Variants in PRR16 observed in about 807,000 individuals in gnomAD.
PRR16 encodes the protein protein Largen.
PRR16 carries 6 observed loss-of-function variants against 18.2 expected under a neutral mutation model. That is an observed-to-expected ratio of 0.33 (90% CI 0.18 to 0.65). The LOEUF is 0.65. PRR16 is among the 30% of genes least tolerant of loss of function. PRR16 has a pLI of 0.74. For missense variants in PRR16, 412 were observed against 376.6 expected (o/e 1.09, Z -0.78); for synonymous variants, 151 against 147.8 (o/e 1.02, Z -0.16).
At chr5:120,778,296 A>G in the PRR16 span, among the ~76,000 whole-genome samples, 1 of 152,090 alleles carries the variant, frequency 6.6e-6, no homozygotes, top group Non-Finnish European at 1.5e-5. Flanking sequence ...GTAAAACAGA[A>G]CCATTTTAAG....
chr5:120,678,411 C>T (rs1756873737), intron 1 of PRR16, among the ~76,000 whole-genome samples: 1 of 152,146 alleles, frequency 6.6e-6, no homozygotes, highest in Non-Finnish European at 1.5e-5. Context: ...ATGACTTTTT[C>T]CATAGTATCT....
chr5:120,610,119 G>A (rs1365819582), intron 1 of PRR16, among the ~76,000 whole-genome samples: 2 of 152,016 alleles, frequency 1.3e-5, no homozygotes, highest in East Asian at 3.9e-4. Context: ...TTCGGTGGGG[G>A]GAAGTATCCT....
At chr5:120,511,467 C>A (rs527587365) in intron 1 of PRR16, among the ~76,000 whole-genome samples, 1 of 152,210 alleles carries the variant, frequency 6.6e-6, no homozygotes, top group African/African-American at 2.4e-5. Flanking sequence ...TGGGCTTTAC[C>A]AAATGGCTTG....
At chr5:120,620,923 A>G (rs970874377) in intron 1 of PRR16, among the ~76,000 whole-genome samples, 1 of 152,178 alleles carries the variant, frequency 6.6e-6, no homozygotes, top group Non-Finnish European at 1.5e-5. Context: ...AAATAAACAC[A>G]TAGAAAGCAG....
chr5:120,575,354 C>CACACACACACAA (rs397698033), intron 1 of PRR16, among the ~76,000 whole-genome samples: 1 of 150,376 alleles, frequency 6.6e-6, no homozygotes, highest in Non-Finnish European at 1.5e-5. Flanking sequence ...CACACACACA[C>CACACACACACAA]GAAAACTACC....
the PRR16 span, among the ~76,000 whole-genome samples, chr5:120,720,358 C>T: frequency 6.6e-6 from 1 of 151,780 alleles, no homozygotes; most frequent in Non-Finnish European, 1.5e-5. Context: ...TCCTTTTGAC[C>T]CATTACCATC....
chr5:120,490,551 G>A (rs972342769), intron 1 of PRR16, among the ~76,000 whole-genome samples: 4 of 152,152 alleles, frequency 2.6e-5, no homozygotes, highest in Non-Finnish European at 4.4e-5. Context: ...TTAGCCATTC[G>A]TCTAATCTTT....
At chr5:120,743,969 T>G in the PRR16 span, among the ~76,000 whole-genome samples, 2 of 152,134 alleles carry the variant, frequency 1.3e-5, no homozygotes, top group Non-Finnish European at 2.9e-5. Flanking sequence ...GGTCCTATAT[T>G]TGTCTTCTTA....
intron 1 of PRR16, among the ~76,000 whole-genome samples, chr5:120,645,935 C>G (rs887407561): frequency 1.3e-5 from 2 of 151,532 alleles, no homozygotes; most frequent in African/African-American, 4.8e-5. Context: ...TCCCTTCTAT[C>G]TCTTATTGCC....
intron 1 of PRR16, among the ~76,000 whole-genome samples, chr5:120,563,381 A>G (rs1752635719): frequency 6.6e-6 from 1 of 152,174 alleles, no homozygotes. Flanking sequence ...TCTGGGAGTC[A>G]GGGATCAAAA....
At chr5:120,782,216 T>C in the PRR16 span, among the ~76,000 whole-genome samples, 1 of 152,148 alleles carries the variant, frequency 6.6e-6, no homozygotes, top group Non-Finnish European at 1.5e-5. Flanking sequence ...TGCAACAGAC[T>C]TGCAGGATTA....
At chr5:120,712,688 AATGAAAAACAGATAT>A in the PRR16 span, among the ~76,000 whole-genome samples, 2 of 152,182 alleles carry the variant, frequency 1.3e-5, no homozygotes, top group Admixed American at 6.6e-5. Flanking sequence ...AAGACATACA[AATGAAAAACAGATAT>A]ATGAAAAGGT....
the PRR16 span, among the ~76,000 whole-genome samples, chr5:120,775,843 T>A: frequency 7.0e-6 from 1 of 143,596 alleles, no homozygotes; most frequent in Non-Finnish European, 1.5e-5. Context: ...AGATGGGGTT[T>A]CACCATGTTG....
chr5:120,535,121 A>G (rs1751673288), intron 1 of PRR16, among the ~76,000 whole-genome samples: 1 of 151,136 alleles, frequency 6.6e-6, no homozygotes, highest in East Asian at 1.9e-4. Context: ...CTATGTGAGG[A>G]TGCTGTTGTC....
the PRR16 span, among the ~76,000 whole-genome samples, chr5:120,736,903 A>G: frequency 6.6e-6 from 1 of 151,898 alleles, no homozygotes; most frequent in African/African-American, 2.4e-5. Context: ...TTATCAGTGA[A>G]CAGAAACAAC....
the PRR16 span, among the ~76,000 whole-genome samples, chr5:120,775,591 T>C: frequency 5.1e-5 from 7 of 138,014 alleles, no homozygotes; most frequent in African/African-American, 1.8e-4. Context: ...ATAGACATCT[T>C]TCTAAACTAT....
chr5:120,663,857 A>G (rs1275839198), intron 1 of PRR16, among the ~76,000 whole-genome samples: 1 of 152,172 alleles, frequency 6.6e-6, no homozygotes, highest in African/African-American at 2.4e-5. Flanking sequence ...ACATGCAATG[A>G]GACTCTGGTG....
At chr5:120,539,430 A>G (rs1312498582) in intron 1 of PRR16, among the ~76,000 whole-genome samples, 1 of 152,036 alleles carries the variant, frequency 6.6e-6, no homozygotes, top group Non-Finnish European at 1.5e-5. Flanking sequence ...TTTATTCTGA[A>G]ATTTATTTAA....
the PRR16 span, among the ~76,000 whole-genome samples, chr5:120,754,228 TATA>T: frequency 0.03 from 602 of 20,052 alleles, 15 homozygotes; most frequent in East Asian, 0.11. Flanking sequence ...TAATATATAA[TATA>T]ATATATAATT....
Sources: gnomAD v4.1 joint callset for allele counts (sites outside exome capture counted in the v4.1 genomes callset) on GRCh38, gnomAD v4.1.1 for gene constraint, MANE v1.5 for transcripts, NCBI Gene and HGNC (gene_info 2026-07-23, HGNC 2026-07-21) for gene names.